The following A1CF variants were observed in gnomAD, a reference collection of about 807,000 sequenced individuals.
A1CF encodes the protein APOBEC1 complementation factor, also known as APOBEC-1 stimulating protein.
A1CF carries 48 observed loss-of-function variants against 68.9 expected under a neutral mutation model. The ratio of observed to expected loss-of-function variants is 0.70; its 90% CI spans 0.55 to 0.89. A1CF has a LOEUF of 0.89. Ranked by LOEUF, A1CF falls within the 40% of genes least tolerant of loss-of-function variation. The pLI, the probability that A1CF is intolerant of heterozygous loss-of-function variation, is 0.00. For missense variants in A1CF, 653 were observed against 718.9 expected (o/e 0.91, Z 1.05); for synonymous variants, 272 against 260.4 (o/e 1.04, Z -0.43).
intron 1 of A1CF, among the ~76,000 whole-genome samples, chr10:50,884,604 C>G (rs1056676947): frequency 2.0e-5 from 3 of 152,188 alleles, no homozygotes; most frequent in Non-Finnish European, 2.9e-5. Flanking sequence ...CTGAATTTGC[C>G]AAAATACGAT....
At chr10:50,875,046 T>C (rs1387291070) in intron 1 of A1CF, among the ~76,000 whole-genome samples, 2 of 152,082 alleles carry the variant, frequency 1.3e-5, no homozygotes, top group African/African-American at 2.4e-5. Flanking sequence ...ACGTGACAGG[T>C]CAAACAAAAC....
chr10:50,824,500 A>G (rs1041374168), intron 7 of A1CF: 9 of 152,328 alleles, frequency 5.9e-5, no homozygotes, highest in South Asian at 4.1e-4. Flanking sequence ...AACTGCATCA[A>G]CATTCAGATC....
intron 3 of A1CF, chr10:50,850,556 T>A: frequency 7.3e-7 from 1 of 1,363,068 alleles, no homozygotes; most frequent in Middle Eastern, 1.8e-4. Flanking sequence ...AGAAAACTTA[T>A]TCGAGTGTTT....
chr10:50,807,815 T>A (rs1235081885), intron 12 of A1CF, among the ~76,000 whole-genome samples: 1 of 152,214 alleles, frequency 6.6e-6, no homozygotes, highest in Non-Finnish European at 1.5e-5. Flanking sequence ...TCATTGTTGT[T>A]TTAAACCCCA....
intron 6 of A1CF, among the ~76,000 whole-genome samples, chr10:50,832,002 T>G (rs1004349522): frequency 6.6e-6 from 1 of 152,138 alleles, no homozygotes; most frequent in African/African-American, 2.4e-5. Context: ...GAAAACAGTA[T>G]GCAGGTTCCT....
rs137933917 is a variant in A1CF, at chr10:50,849,938, C to A, written c.100-5816G>T. ...CCTCCCCAGTAGCTGAGACTACAGG[C>A]GCCTGCAACCATGCCTGGCTAATTT... is the stretch of plus-strand genomic sequence containing the variant. On this transcript the variant is annotated intron_variant, in intron 3 of 12. Coordinates refer to ENST00000373997, the MANE Select transcript of A1CF (RefSeq NM_014576.4). Among the ~76,000 whole-genome samples the A allele has an allele frequency of 6.0e-3, 905 of 152,054 alleles. 7 individuals are homozygous for A. The highest frequency in any genetic ancestry group is 0.02 in the African/African-American group (845 of 41,518).
intron 5 of A1CF, among the ~76,000 whole-genome samples, chr10:50,837,707 C>G (rs1381017248): frequency 2.0e-5 from 3 of 152,174 alleles, no homozygotes; most frequent in Non-Finnish European, 4.4e-5. Flanking sequence ...TGCCTCCCCA[C>G]CTTTCTAAAT....
intron 9 of A1CF, among the ~76,000 whole-genome samples, chr10:50,815,241 C>G (rs1329456683): frequency 6.6e-6 from 1 of 152,150 alleles, no homozygotes; most frequent in Non-Finnish European, 1.5e-5. Context: ...CAGGGACAAG[C>G]TAGTTTCTTG....
At chr10:50,855,739 G>GT (rs1840450039) in intron 3 of A1CF, among the ~76,000 whole-genome samples, 1 of 151,838 alleles carries the variant, frequency 6.6e-6, no homozygotes, top group Non-Finnish European at 1.5e-5. Flanking sequence ...ATCACCCTCT[G>GT]TTTTTTGAAT....
intron 6 of A1CF, among the ~76,000 whole-genome samples, chr10:50,832,873 T>G (rs529624868): frequency 5.3e-4 from 80 of 152,320 alleles, no homozygotes; most frequent in African/African-American, 1.9e-3. Flanking sequence ...CTATGTTTTT[T>G]TTTTTATTTT....
chr10:50,842,033 G>A, intron 4 of A1CF, 41 bp from the exon 5 acceptor site: 1 of 1,551,896 alleles, frequency 6.4e-7, no homozygotes, highest in South Asian at 1.1e-5. Context: ...TTATACGTTT[G>A]TACTTCTGAA....
At chr10:50,841,080 C>A (rs1839752461) in intron 5 of A1CF, among the ~76,000 whole-genome samples, 2 of 152,312 alleles carry the variant, frequency 1.3e-5, no homozygotes, top group South Asian at 4.1e-4. Flanking sequence ...TCAAACCTCA[C>A]CTGCTATAGT....
intron 10 of A1CF, among the ~76,000 whole-genome samples, chr10:50,812,829 A>C (rs1838182521): frequency 6.6e-6 from 1 of 152,214 alleles, no homozygotes; most frequent in South Asian, 2.1e-4. Context: ...AGTTTACTAA[A>C]TCTTATGTGA....
chr10:50,808,939 G>T (rs1381935138), intron 12 of A1CF, among the ~76,000 whole-genome samples: 4 of 151,440 alleles, frequency 2.6e-5, no homozygotes, highest in Admixed American at 1.3e-4. Flanking sequence ...CTCTAATTTG[G>T]ACTTATGTGG....
intron 6 of A1CF, among the ~76,000 whole-genome samples, chr10:50,834,246 C>G (rs1013285384): frequency 6.6e-6 from 1 of 152,168 alleles, no homozygotes; most frequent in Non-Finnish European, 1.5e-5. Flanking sequence ...CCTACTCCCC[C>G]ACACCCCAAA....
intron 7 of A1CF, among the ~76,000 whole-genome samples, chr10:50,826,207 T>C (rs1344853302): frequency 6.6e-6 from 1 of 152,076 alleles, no homozygotes; most frequent in African/African-American, 2.4e-5. Flanking sequence ...AATTTATAGT[T>C]TAGTGAAGAA....
At chr10:50,851,131 C>T (rs995857067) in intron 3 of A1CF, among the ~76,000 whole-genome samples, 9 of 152,202 alleles carry the variant, frequency 5.9e-5, no homozygotes, top group Non-Finnish European at 1.2e-4. Flanking sequence ...AATCATTCTT[C>T]TCCTTACAAC....
At position 50,813,938 on chromosome 10, in the gene A1CF, G is replaced by A. The variant is rs41274048; in HGVS notation, c.1242C>T (p.Leu414=). 0.081 allele frequency: 130,235 copies of A among 1,613,702 alleles called. 5,911 individuals are homozygous for A. The highest frequency in any genetic ancestry group is 0.14 in the South Asian group (12,363 of 91,066). Residue 414 remains leucine, a synonymous_variant, in exon 10 of 13, where the codon CTC becomes CTT. Coordinates refer to ENST00000373997, the MANE Select transcript of A1CF (RefSeq NM_014576.4). Reference sequence around the variant, plus strand: ...GCTCCATCCCAGGTAAAATGTCATAGAGTTTGTCTTCTCTTTTGTCTCCTT... The same window carrying A: ...GCTCCATCCCAGGTAAAATGTCATAAAGTTTGTCTTCTCTTTTGTCTCCTT... ...QVKGDKREDK[L]YDILPGMELT...
At chr10:50,809,601 C>T (rs1025911729) in intron 12 of A1CF, among the ~76,000 whole-genome samples, 28 of 152,188 alleles carry the variant, frequency 1.8e-4, no homozygotes, top group African/African-American at 4.6e-4. Flanking sequence ...TTCAAACTCT[C>T]GTACTAAAAG....
Sources: gnomAD v4.1 joint callset for allele counts (sites outside exome capture counted in the v4.1 genomes callset) on GRCh38, gnomAD v4.1.1 for gene constraint, MANE v1.5 for transcripts, NCBI Gene and HGNC (gene_info 2026-07-23, HGNC 2026-07-21) for gene names.